CAST: variants seen among roughly 807,000 people sequenced by gnomAD.
The protein encoded by CAST is MIR583 host.
CAST carries 76 observed loss-of-function variants against 119.6 expected under a neutral mutation model. The observed-to-expected ratio is 0.64, with a 90% CI of 0.53 to 0.77. The LOEUF is 0.77. Ranked by LOEUF, CAST falls within the 30% of genes least tolerant of loss-of-function variation. CAST has a pLI of 0.00. For missense variants in CAST, 953 were observed against 946.5 expected (o/e 1.01, Z -0.09); for synonymous variants, 319 against 331.6 (o/e 0.96, Z 0.41).
At chr5:96,542,213 G>C (rs1745926094) in intron 1 of CAST, among the ~76,000 whole-genome samples, 1 of 151,410 alleles carries the variant, frequency 6.6e-6, no homozygotes, top group African/African-American at 2.4e-5. Context: ...AGGAGGCTGA[G>C]GCAGAAGAAT....
chr5:96,328,341 T>C, the CAST span, among the ~76,000 whole-genome samples: 1 of 150,820 alleles, frequency 6.6e-6, no homozygotes, highest in Non-Finnish European at 1.5e-5. Flanking sequence ...GCATTAACAA[T>C]GAATTTAGCT....
chr5:96,432,617 A>G, the CAST span, among the ~76,000 whole-genome samples: 1 of 152,204 alleles, frequency 6.6e-6, no homozygotes, highest in East Asian at 1.9e-4. Flanking sequence ...AGCGGCCAAC[A>G]GTAAGCATAA....
At chr5:96,722,785 G>A in intron 4 of CAST, 87 bp downstream of exon 4, 1 of 930,126 alleles carries the variant, frequency 1.1e-6, no homozygotes, top group Non-Finnish European at 1.8e-6. Context: ...TTGATGATGA[G>A]TTATATATGC....
At chr5:96,570,746 T>C (rs1746553711) in intron 1 of CAST, among the ~76,000 whole-genome samples, 10 of 152,182 alleles carry the variant, frequency 6.6e-5, no homozygotes, top group Admixed American at 6.5e-4. Flanking sequence ...TAAACTGGTA[T>C]CTCTTTTGAA....
At chr5:96,214,596 C>G in the CAST span, among the ~76,000 whole-genome samples, 5 of 152,146 alleles carry the variant, frequency 3.3e-5, no homozygotes, top group Non-Finnish European at 2.9e-5. Flanking sequence ...GTTTGAGACA[C>G]AGTTCTAGTC....
intron 1 of CAST, among the ~76,000 whole-genome samples, chr5:96,571,303 C>T (rs1294285334): frequency 6.6e-6 from 1 of 152,212 alleles, no homozygotes; most frequent in Non-Finnish European, 1.5e-5. Flanking sequence ...TAAAAAACAC[C>T]ACAGAGGCTT....
the CAST span, among the ~76,000 whole-genome samples, chr5:96,299,286 AACAAC>A: frequency 1.5e-5 from 2 of 136,768 alleles, no homozygotes; most frequent in Admixed American, 6.8e-5. Context: ...CAACAACAAC[AACAAC>A]AAACAAACAA....
chr5:96,063,601 A>G, the CAST span, among the ~76,000 whole-genome samples: 2 of 152,174 alleles, frequency 1.3e-5, no homozygotes, highest in Non-Finnish European at 2.9e-5. Context: ...ATAAATCAGC[A>G]AAGAGCAGAG....
At chr5:96,424,318 A>C in the CAST span, among the ~76,000 whole-genome samples, 2 of 152,188 alleles carry the variant, frequency 1.3e-5, no homozygotes, top group East Asian at 3.9e-4. Flanking sequence ...ATGAAGCTGA[A>C]TCACAGGAGG....
the CAST span, among the ~76,000 whole-genome samples, chr5:96,224,697 G>A: frequency 6.6e-5 from 10 of 152,170 alleles, no homozygotes; most frequent in African/African-American, 2.4e-4. Flanking sequence ...CACTAGTAGA[G>A]AATAAAGTTA....
the CAST span, among the ~76,000 whole-genome samples, chr5:96,147,550 C>T: frequency 2.0e-5 from 3 of 152,110 alleles, no homozygotes; most frequent in Admixed American, 6.5e-5. Context: ...TTGCAGTGAG[C>T]CGAGATCGCA....
At chr5:96,625,279 C>CCTCTCTCTGTCTCTCT (rs1041264184) in intron 1 of CAST, among the ~76,000 whole-genome samples, 2 of 151,914 alleles carry the variant, frequency 1.3e-5, no homozygotes, top group Non-Finnish European at 2.9e-5. Context: ...TTTCTCTCTC[C>CCTCTCTCTGTCTCTCT]CTCTCTCTGT....
intron 4 of CAST, among the ~76,000 whole-genome samples, chr5:96,723,207 C>T (rs1758629765): frequency 6.6e-6 from 1 of 152,130 alleles, no homozygotes; most frequent in South Asian, 2.1e-4. Flanking sequence ...CGAAGCAGTC[C>T]TTCCACCTGG....
intron 1 of CAST, among the ~76,000 whole-genome samples, chr5:96,577,936 G>T (rs1416873839): frequency 1.3e-5 from 2 of 152,070 alleles, no homozygotes; most frequent in Non-Finnish European, 1.5e-5. Flanking sequence ...TAATATATAT[G>T]TCATTAGATC....
At chr5:96,067,411 G>A in the CAST span, among the ~76,000 whole-genome samples, 5 of 152,242 alleles carry the variant, frequency 3.3e-5, 1 homozygote, top group Admixed American at 3.3e-4. Flanking sequence ...CCTTCAGTAA[G>A]GGAAATACTT....
At chr5:96,649,778 AC>A (rs1748069651) in intron 1 of CAST, among the ~76,000 whole-genome samples, 1 of 152,224 alleles carries the variant, frequency 6.6e-6, no homozygotes, top group Non-Finnish European at 1.5e-5. Flanking sequence ...ACTGTAAAAT[AC>A]CATTCAAATG....
At chr5:95,962,602 G>C in the CAST span, among the ~76,000 whole-genome samples, 1 of 152,144 alleles carries the variant, frequency 6.6e-6, no homozygotes, top group Non-Finnish European at 1.5e-5. Context: ...ACAAAATCAC[G>C]CGGGAGGTTA....
the CAST span, chr5:96,423,265 T>C: frequency 9.6e-6 from 15 of 1,567,652 alleles, no homozygotes; most frequent in South Asian, 8.1e-5. Flanking sequence ...ACTGTGTGTC[T>C]GCACAGACAG....
the CAST span, among the ~76,000 whole-genome samples, chr5:96,389,029 T>C: frequency 0.015 from 2,315 of 152,082 alleles, 27 homozygotes; most frequent in Non-Finnish European, 0.025. Context: ...ATGTCACTTA[T>C]ATGTGGAATT....
Sources: allele counts gnomAD v4.1 joint callset (sites outside exome capture counted in the v4.1 genomes callset), GRCh38; gene constraint gnomAD v4.1.1; transcripts MANE v1.5; gene names NCBI Gene and HGNC (gene_info 2026-07-23, HGNC 2026-07-21).